ZNF610: variants seen among roughly 807,000 people sequenced by gnomAD.
The protein encoded by ZNF610 is zink finger protein.
In ZNF610, 14 loss-of-function variants were observed where a neutral mutation model predicts 14.1. That is an observed-to-expected ratio of 0.99 (90% confidence interval 0.65 to 1.55). The LOEUF is 1.55. Among genes scored for constraint, ZNF610 ranks in the 40% most tolerant of loss-of-function variants. ZNF610 has a pLI of 0.00. For synonymous variants in ZNF610, 185 were observed against 187.6 expected (o/e 0.99, Z 0.11); for missense variants, 530 against 558.0 (o/e 0.95, Z 0.51).
At chr19:52,353,596 A>G in intron 3 of ZNF610, 86 bp from the exon 4 acceptor site, 2 of 1,438,428 alleles carry the variant, frequency 1.4e-6, no homozygotes, top group Admixed American at 1.9e-5. Context: ...CATTTTTAAT[A>G]GCTTAATATT....
chr19:52,355,718 T>C (rs1056204885), intron 5 of ZNF610, among the ~76,000 whole-genome samples: 5 of 152,228 alleles, frequency 3.3e-5, no homozygotes, highest in African/African-American at 4.8e-5. Context: ...TTGATTACTT[T>C]GCTCGGGTGG....
intron 4 of ZNF610, 85 bp downstream of exon 4, chr19:52,353,893 A>G (rs1985390151): frequency 6.6e-7 from 1 of 1,503,768 alleles, no homozygotes. Flanking sequence ...GAGCCCCTAA[A>G]TTGCTTAACT....
intron 5 of ZNF610, among the ~76,000 whole-genome samples, chr19:52,363,832 A>G (rs1173890217): frequency 6.6e-6 from 1 of 152,094 alleles, no homozygotes; most frequent in African/African-American, 2.4e-5. Flanking sequence ...AATCATTTGT[A>G]TTTCACATAC....
intron 1 of ZNF610, among the ~76,000 whole-genome samples, chr19:52,342,124 G>A (rs912049089): frequency 2.0e-5 from 3 of 151,984 alleles, no homozygotes; most frequent in Non-Finnish European, 4.4e-5. Flanking sequence ...TTTGATTTTT[G>A]TAGAGTTGGG....
At chr19:52,361,872 G>T (rs866428641) in intron 5 of ZNF610, among the ~76,000 whole-genome samples, 35 of 151,656 alleles carry the variant, frequency 2.3e-4, no homozygotes, top group Admixed American at 2.6e-4. Context: ...ATTTAGTTTG[G>T]TTTTTTTTAT....
chr19:52,338,563 T>C (rs1028471066), intron 1 of ZNF610, among the ~76,000 whole-genome samples: 11 of 152,138 alleles, frequency 7.2e-5, no homozygotes, highest in Admixed American at 3.9e-4. Flanking sequence ...CGTGTGCCTG[T>C]AATCCCAGCT....
chr19:52,349,630 T>C (rs1985149987), intron 3 of ZNF610, among the ~76,000 whole-genome samples: 1 of 151,504 alleles, frequency 6.6e-6, no homozygotes, highest in Admixed American at 6.6e-5. Flanking sequence ...TGGAGTGCAG[T>C]GGCACGATCT....
At chr19:52,332,711 G>A (rs574632353), upstream of ZNF610, among the ~76,000 whole-genome samples, 40 of 152,202 alleles carry the variant, frequency 2.6e-4, no homozygotes, top group Admixed American at 2.5e-3. The surrounding 1 kb of genome is among the most constrained non-coding windows in gnomAD (Gnocchi z 4.1). Context: ...TCCTATTTCC[G>A]TAAGACCTGA....
chr19:52,342,632 A>C (rs1984740945), intron 1 of ZNF610, among the ~76,000 whole-genome samples: 1 of 148,666 alleles, frequency 6.7e-6, no homozygotes, highest in African/African-American at 2.5e-5. Context: ...TGATTCTCCC[A>C]CCTCAGCCTC....
upstream of ZNF610, among the ~76,000 whole-genome samples, chr19:52,333,806 G>T (rs1269281093): frequency 1.3e-5 from 2 of 152,332 alleles, no homozygotes. Flanking sequence ...AAGAAAAGTT[G>T]TATGTAAGTG....
At chr19:52,334,296 C>T (rs189105945), upstream of ZNF610, among the ~76,000 whole-genome samples, 7 of 134,788 alleles carry the variant, frequency 5.2e-5, no homozygotes, top group Non-Finnish European at 1.1e-4. Context: ...AGGTGGATCA[C>T]GAGGTCAGAA....
chr19:52,333,266 G>A (rs570917899), upstream of ZNF610, among the ~76,000 whole-genome samples: 12 of 152,204 alleles, frequency 7.9e-5, no homozygotes, highest in South Asian at 2.3e-3. Flanking sequence ...CCGAAACTGC[G>A]CAGCCAAGCA....
upstream of ZNF610, among the ~76,000 whole-genome samples, chr19:52,332,052 A>G (rs1984227602): frequency 6.6e-6 from 1 of 152,212 alleles, no homozygotes; most frequent in Non-Finnish European, 1.5e-5. This position sits in a 1 kb window ranked among gnomAD's most constrained non-coding sequence, Gnocchi z 4.1. Flanking sequence ...TGAAATTGAC[A>G]AGGTGAACAA....
chr19:52,359,704 C>T (rs997680802), intron 5 of ZNF610, among the ~76,000 whole-genome samples: 3 of 152,160 alleles, frequency 2.0e-5, no homozygotes, highest in African/African-American at 4.8e-5. Flanking sequence ...CATCAAGCAA[C>T]GGACAAGAGC....
At chr19:52,344,347 C>T (rs1475322757) in intron 1 of ZNF610, among the ~76,000 whole-genome samples, 1 of 152,054 alleles carries the variant, frequency 6.6e-6, no homozygotes, top group Admixed American at 6.6e-5. Context: ...ATTTAACACT[C>T]CAGCCTGACC....
At chr19:52,352,536 C>T (rs1167544572) in intron 3 of ZNF610, among the ~76,000 whole-genome samples, 6 of 152,214 alleles carry the variant, frequency 3.9e-5, no homozygotes, top group Non-Finnish European at 7.3e-5. Context: ...CCGCACCGGG[C>T]CAAAACTTGC....
rs144093967 is a variant in ZNF610 at position 52,366,758 on chromosome 19, G to C, written c.1380G>C (p.Gln460His). The C allele has an allele frequency of 2.8e-3, 4,466 of 1,608,466 alleles. 18 individuals are homozygous for C. Among genetic ancestry groups the C allele is most frequent in the South Asian group, 3.9e-3 (353 of 90,624 alleles). Reference sequence around the variant, plus strand: ...GAGAGAATTCACTGCGTACCTTACAGATGGAATGAATGTGGCAAAATCTTT... The same window carrying C: ...GAGAGAATTCACTGCGTACCTTACACATGGAATGAATGTGGCAAAATCTTT... ...HAGENSLRTL[Q>H]ME The change falls in exon 6 of 6, where the codon CAG becomes CAC. Residue 460 changes from glutamine (Q) to histidine (H), a missense_variant. Physicochemically the swap from Gln to His is conservative, Grantham distance 24. Transcript: ENST00000403906.
intron 5 of ZNF610, among the ~76,000 whole-genome samples, chr19:52,361,081 C>T (rs1015843070): frequency 2.0e-5 from 3 of 151,814 alleles, no homozygotes; most frequent in East Asian, 1.9e-4. Context: ...ATTTGTTACT[C>T]GTCTTAGTGT....
Position 52,353,817 on chromosome 19 carries a change from G to T in ZNF610, c.190+9G>T. The T allele has an allele frequency of 1.2e-6, 2 of 1,607,166 alleles. No individual in the cohort carries two copies. Among genetic ancestry groups the T allele is most frequent in the Admixed American group, 1.7e-5 (1 of 58,144 alleles). On this transcript the variant is annotated intron_variant, in intron 4 of 5. Transcript: ENST00000403906. The stretch of plus-strand genomic sequence containing the variant: ...GAACCTGGTCTTTCTGGGTGAGGAT[G>T]ACTTCCCTCCAGAAGCCGGGATCTG...
Sources: gnomAD v4.1 joint callset for allele counts (sites outside exome capture counted in the v4.1 genomes callset) on GRCh38, gnomAD v4.1.1 for gene constraint, Gnocchi (gnomAD v3.1) non-coding constraint, MANE v1.5 for transcripts, NCBI Gene and HGNC (gene_info 2026-07-23, HGNC 2026-07-21) for gene names.